Variants in EPB41 observed in about 807,000 individuals in gnomAD.
EPB41 encodes the protein erythrocyte membrane protein band 4.1, also known as protein 4.1.
Under a neutral mutation model 108.0 loss-of-function variants are expected in EPB41, and 65 were observed. That is an observed-to-expected ratio of 0.60 (90% CI 0.49 to 0.74). The LOEUF (loss-of-function observed/expected upper bound fraction) is 0.74. EPB41 is among the 30% of genes least tolerant of loss of function. EPB41 has a pLI of 0.00. For missense variants in EPB41, 875 were observed against 1,037.0 expected, an observed-to-expected ratio of 0.84 and a Z score of 2.15; for synonymous variants, 336 against 358.9, an observed-to-expected ratio of 0.94 and a Z score of 0.72.
At chr1:29,113,070 C>G (rs1478153997) in intron 19 of EPB41, among the ~76,000 whole-genome samples, 1 of 152,164 alleles carries the variant, frequency 6.6e-6, no homozygotes, top group African/African-American at 2.4e-5. Context: ...TTTTTTTCTC[C>G]TTTCCTAAAA....
At chr1:29,082,354 C>T (rs1445190515) in intron 16 of EPB41, among the ~76,000 whole-genome samples, 2 of 152,162 alleles carry the variant, frequency 1.3e-5, no homozygotes, top group African/African-American at 4.8e-5. Context: ...GAACTCCTGA[C>T]CTGAAGTGAT....
intron 1 of EPB41, among the ~76,000 whole-genome samples, chr1:28,974,120 A>AT (rs1432386316): frequency 2.0e-5 from 3 of 152,138 alleles, no homozygotes; most frequent in Non-Finnish European, 4.4e-5. Flanking sequence ...GCTCTGACAG[A>AT]TTTTTTCTCT....
intron 1 of EPB41, among the ~76,000 whole-genome samples, chr1:28,907,686 C>T (rs2091941412): frequency 6.6e-6 from 1 of 151,958 alleles, no homozygotes; most frequent in Non-Finnish European, 1.5e-5. Context: ...GATCATGGCT[C>T]ACTGCAACCT....
intron 8 of EPB41, among the ~76,000 whole-genome samples, chr1:29,032,835 T>C (rs111263745): frequency 4.6e-5 from 7 of 152,286 alleles, no homozygotes; most frequent in African/African-American, 1.4e-4. Context: ...GTTAACACTT[T>C]ATCATAAAAA....
At position 28,934,666 on chromosome 1, in the gene EPB41, T is replaced by TTTGTGTGTGTGTG. The variant is rs1553174370; in HGVS notation, c.-8+19899_-8+19900insTGTGTGTGTGTGT. 8.3e-3 allele frequency among the ~76,000 whole-genome samples: 1,129 copies of TTTGTGTGTGTGTG among 136,378 alleles called. 20 individuals carry two copies. The highest frequency in any genetic ancestry group is 0.026 in the East Asian group (124 of 4,710). The allele number at this position is 136,378 out of a possible 152,430, so 89.5% of individuals were successfully genotyped here. A position where few individuals can be genotyped will look rare whatever the true frequency, so the allele number is the denominator to read the frequency against. ...TGGTTGGCCTCTGGTTCTTTTGACA[T>TTTGTGTGTGTGTG]TGTGTGTGTGTGTGTGTGTGTGTGT... On this transcript the variant is annotated intron_variant, in intron 1 of 20. Transcript: ENST00000343067.
At chr1:28,940,168 C>T (rs1332525140) in intron 1 of EPB41, among the ~76,000 whole-genome samples, 1 of 152,076 alleles carries the variant, frequency 6.6e-6, no homozygotes, top group East Asian at 1.9e-4. Context: ...TTAAACAAAT[C>T]GTACATCAGG....
intron 1 of EPB41, among the ~76,000 whole-genome samples, chr1:28,970,730 A>C (rs2095473598): frequency 6.6e-6 from 1 of 152,246 alleles, no homozygotes; most frequent in South Asian, 2.1e-4. Context: ...CCTCAACTAG[A>C]CACAATATAA....
chr1:29,002,040 T>TA (rs1193732100), intron 4 of EPB41, among the ~76,000 whole-genome samples: 16 of 152,226 alleles, frequency 1.1e-4, no homozygotes, highest in African/African-American at 3.6e-4. Flanking sequence ...TTAGATAAGT[T>TA]ACTTGTCCTT....
At position 28,928,112 on chromosome 1, in the gene EPB41, C is replaced by T. The variant is rs11802006; in HGVS notation, c.-8+13344C>T. ...CAGAGATGAAAAAGGGAAATAAGTA[C>T]AGAGTTACTATTATGCTTCTGTAAT... On this transcript the variant is annotated intron_variant, in intron 1 of 20. Coordinates refer to ENST00000343067, the MANE Select transcript of EPB41 (RefSeq NM_001376013.1). Among the ~76,000 whole-genome samples, 1,094 of 152,060 alleles carry T rather than the reference C, an allele frequency of 7.2e-3. 13 individuals are homozygous for T. The highest frequency in any genetic ancestry group is 0.026 in the African/African-American group (1,062 of 41,454).
intron 5 of EPB41, among the ~76,000 whole-genome samples, chr1:29,013,913 A>G (rs901071895): frequency 8.0e-5 from 12 of 150,812 alleles, no homozygotes; most frequent in African/African-American, 2.9e-4. Context: ...GGAAATTATC[A>G]TGAAGAATGT....
intron 16 of EPB41, chr1:29,096,382 G>C (rs971941773): frequency 7.4e-5 from 73 of 985,834 alleles, no homozygotes; most frequent in Non-Finnish European, 8.1e-5. Flanking sequence ...ATATTAAGGA[G>C]ATGCCAAGAG....
At chr1:28,988,772 A>G (rs2095934049) in intron 2 of EPB41, among the ~76,000 whole-genome samples, 1 of 152,106 alleles carries the variant, frequency 6.6e-6, no homozygotes, top group Non-Finnish European at 1.5e-5. Context: ...GGCTAATCTC[A>G]AACTCCTGGG....
chr1:28,982,304 A>G (rs899708014), intron 1 of EPB41: 14 of 591,600 alleles, frequency 2.4e-5, no homozygotes, highest in African/African-American at 1.9e-4. Context: ...TGGAAGAACT[A>G]CTTGTTCTTG....
intron 16 of EPB41, chr1:29,097,089 G>A (rs1269393416): frequency 6.5e-6 from 1 of 152,782 alleles, no homozygotes; most frequent in South Asian, 2.1e-4. Context: ...AGGATCATAG[G>A]CACTGATTTC....
At chr1:29,088,784 G>T (rs966163526) in intron 16 of EPB41, among the ~76,000 whole-genome samples, 2 of 152,166 alleles carry the variant, frequency 1.3e-5, no homozygotes, top group South Asian at 2.1e-4. Flanking sequence ...AGTTAAAGTC[G>T]GGTTTGCTGT....
At chr1:29,017,771 C>T (rs1041627123) in intron 6 of EPB41, among the ~76,000 whole-genome samples, 17 of 152,148 alleles carry the variant, frequency 1.1e-4, no homozygotes, top group African/African-American at 3.4e-4. Flanking sequence ...ACACCGAGCA[C>T]GCTAAGCTTC....
chr1:29,079,552 A>C (rs574565771), intron 16 of EPB41, among the ~76,000 whole-genome samples: 1 of 151,654 alleles, frequency 6.6e-6, no homozygotes, highest in Non-Finnish European at 1.5e-5. Flanking sequence ...CTGGGATTGC[A>C]GGCACGTACC....
intron 1 of EPB41, among the ~76,000 whole-genome samples, chr1:28,967,679 G>A (rs2149249557): frequency 6.6e-6 from 1 of 151,680 alleles, no homozygotes; most frequent in African/African-American, 2.4e-5. Flanking sequence ...GATCACAGCT[G>A]ACTGCAACCT....
At chr1:28,971,630 A>G (rs1165322417) in intron 1 of EPB41, among the ~76,000 whole-genome samples, 2 of 152,188 alleles carry the variant, frequency 1.3e-5, no homozygotes, top group Non-Finnish European at 2.9e-5. Flanking sequence ...ATGTGAGTTA[A>G]CTCTTCAAAT....
Sources: gnomAD v4.1 joint callset for allele counts (sites outside exome capture counted in the v4.1 genomes callset) on GRCh38, gnomAD v4.1.1 for gene constraint, MANE v1.5 for transcripts, NCBI Gene and HGNC (gene_info 2026-07-23, HGNC 2026-07-21) for gene names.